The following DCC variants were observed in gnomAD, a reference collection of about 807,000 sequenced individuals.
The protein encoded by DCC is DCC netrin 1 receptor, also known as netrin receptor DCC.
A neutral mutation model predicts 172.5 loss-of-function variants in DCC; 58 were observed. That is an observed-to-expected ratio of 0.34 (90% CI 0.27 to 0.42). The LOEUF is 0.42. DCC is among the 10% of genes least tolerant of loss of function. DCC has a pLI of 1.00. For synonymous variants in DCC, 709 were observed against 644.5 expected, an observed-to-expected ratio of 1.10 and a Z score of -1.52; for missense variants, 1,740 against 1,791.0, an observed-to-expected ratio of 0.97 and a Z score of 0.51.
At chr18:53,397,261 T>C in intron 17 of DCC, 47 bp from the exon 18 acceptor site, 1 of 1,566,158 alleles carries the variant, frequency 6.4e-7, no homozygotes. Context: ...ATTTACCAAG[T>C]TGATAGAGTT....
intron 1 of DCC, among the ~76,000 whole-genome samples, chr18:52,517,572 ATC>A (rs1232311850): frequency 6.6e-6 from 1 of 152,270 alleles, no homozygotes; most frequent in Non-Finnish European, 1.5e-5. Flanking sequence ...GGTCCAATTT[ATC>A]TCTTTCCTTT....
chr18:52,342,620 G>A (rs547394848), intron 1 of DCC, among the ~76,000 whole-genome samples: 322 of 152,288 alleles, frequency 2.1e-3, no homozygotes, highest in African/African-American at 7.3e-3. Flanking sequence ...CTATGCGGAC[G>A]GGAAAGGGGA....
intron 17 of DCC, 111 bp from the exon 18 acceptor site, chr18:53,397,197 T>G (rs1909007659): frequency 1.0e-6 from 1 of 961,972 alleles, no homozygotes; most frequent in African/African-American, 1.6e-5. Context: ...CTCTGCTGTT[T>G]GGGAGTAGAT....
At chr18:52,465,639 C>T (rs1431001296) in intron 1 of DCC, among the ~76,000 whole-genome samples, 2 of 152,136 alleles carry the variant, frequency 1.3e-5, no homozygotes, top group Non-Finnish European at 2.9e-5. Flanking sequence ...TGCTTGAAGT[C>T]ATTCAATTCA....
At chr18:52,826,394 A>G (rs1258432622) in intron 2 of DCC, among the ~76,000 whole-genome samples, 2 of 152,184 alleles carry the variant, frequency 1.3e-5, no homozygotes, top group Admixed American at 1.3e-4. Context: ...ATGCTAGATG[A>G]CTTAGTGATT....
At chr18:53,217,194 G>C (rs771086871) in intron 12 of DCC, among the ~76,000 whole-genome samples, 1 of 151,450 alleles carries the variant, frequency 6.6e-6, no homozygotes, top group African/African-American at 2.4e-5. Context: ...GATGCTAACT[G>C]TATTTGAATA....
At chr18:53,287,643 C>G (rs1414871239) in intron 12 of DCC, among the ~76,000 whole-genome samples, 1 of 152,060 alleles carries the variant, frequency 6.6e-6, no homozygotes, top group Admixed American at 6.6e-5. Context: ...TGTGAAGATT[C>G]CATTTTTTTC....
chr18:52,576,930 C>A (rs1389686187), intron 1 of DCC, among the ~76,000 whole-genome samples: 1 of 151,818 alleles, frequency 6.6e-6, no homozygotes, highest in African/African-American at 2.4e-5. Flanking sequence ...TATTTGTGAA[C>A]TCTACACACA....
chr18:52,487,255 G>A (rs2030271550), intron 1 of DCC, among the ~76,000 whole-genome samples: 1 of 152,008 alleles, frequency 6.6e-6, no homozygotes, highest in African/African-American at 2.4e-5. Flanking sequence ...AATATAAAGG[G>A]CACCTCATTA....
At chr18:53,343,418 C>A (rs1568069150) in intron 15 of DCC, among the ~76,000 whole-genome samples, 1 of 151,108 alleles carries the variant, frequency 6.6e-6, no homozygotes, top group Non-Finnish European at 1.5e-5. Context: ...TTGAAATGAA[C>A]TTTTTTTTTC....
At chr18:53,358,877 G>A (rs1164430023) in intron 15 of DCC, among the ~76,000 whole-genome samples, 1 of 152,092 alleles carries the variant, frequency 6.6e-6, no homozygotes, top group African/African-American at 2.4e-5. Flanking sequence ...ATAAATATAA[G>A]ATTATTTCAT....
intron 27 of DCC, among the ~76,000 whole-genome samples, chr18:53,518,786 G>A (rs1462129826): frequency 6.6e-6 from 1 of 152,036 alleles, no homozygotes; most frequent in Non-Finnish European, 1.5e-5. Context: ...CCTGGATAGG[G>A]GAAATTCTGC....
intron 1 of DCC, among the ~76,000 whole-genome samples, chr18:52,739,048 TA>T (rs1244696278): frequency 6.6e-6 from 1 of 152,128 alleles, no homozygotes; most frequent in Non-Finnish European, 1.5e-5. Context: ...GGCAGCACAG[TA>T]GATTTGTTTA....
At chr18:53,089,120 C>T (rs2042964684) in intron 7 of DCC, among the ~76,000 whole-genome samples, 1 of 152,172 alleles carries the variant, frequency 6.6e-6, no homozygotes, top group South Asian at 2.1e-4. Context: ...GAGTCTCGCT[C>T]TGCCTCCCAG....
intron 2 of DCC, among the ~76,000 whole-genome samples, chr18:52,801,088 C>G (rs1177902641): frequency 6.6e-6 from 1 of 152,180 alleles, no homozygotes; most frequent in African/African-American, 2.4e-5. Flanking sequence ...TGTGCAAGGT[C>G]TGTCTCTTGA....
At chr18:53,212,581 A>C (rs1316220295) in intron 11 of DCC, among the ~76,000 whole-genome samples, 1 of 152,302 alleles carries the variant, frequency 6.6e-6, no homozygotes. Context: ...AGAAATGTGC[A>C]CTGTAAAAAA....
chr18:53,077,867 G>A (rs2042744016), intron 7 of DCC, among the ~76,000 whole-genome samples: 1 of 152,198 alleles, frequency 6.6e-6, no homozygotes, highest in African/African-American at 2.4e-5. Context: ...TTAAACACTG[G>A]AAATTAATTT....
chr18:52,837,539 A>G (rs1003856216), intron 2 of DCC, among the ~76,000 whole-genome samples: 1 of 152,124 alleles, frequency 6.6e-6, no homozygotes, highest in Non-Finnish European at 1.5e-5. Flanking sequence ...CCAGTTCCCA[A>G]TAAGTTCTCC....
chr18:53,394,057 C>G (rs993056850), intron 17 of DCC, among the ~76,000 whole-genome samples: 2 of 152,066 alleles, frequency 1.3e-5, no homozygotes, highest in African/African-American at 4.8e-5. Context: ...CTTTTCAAGC[C>G]AATGTCATAT....
Sources: allele counts gnomAD v4.1 joint callset (sites outside exome capture counted in the v4.1 genomes callset), GRCh38; gene constraint gnomAD v4.1.1; transcripts MANE v1.5; gene names NCBI Gene and HGNC (gene_info 2026-07-23, HGNC 2026-07-21).